CCT2: variants seen among roughly 807,000 people sequenced by gnomAD.
CCT2 encodes T-complex protein 1 subunit beta.
Under a neutral mutation model 61.8 loss-of-function variants are expected in CCT2, and 18 were observed. That is an observed-to-expected ratio of 0.29 (90% confidence interval 0.20 to 0.43). CCT2 has a LOEUF of 0.43. Among genes scored for constraint, CCT2 ranks in the 20% least tolerant of loss-of-function variants. CCT2 has a pLI of 1.00. For synonymous variants in CCT2, 248 were observed against 215.9 expected (o/e 1.15, Z -1.30); for missense variants, 556 against 656.9 (o/e 0.85, Z 1.68).
chr12:69,598,382 A>G lies in CCT2; in HGVS notation c.1396A>G (p.Arg466Gly), dbSNP rs1243536298. 1.9e-6 allele frequency: 3 copies of G among 1,604,000 alleles called. No homozygotes were observed. The African/African-American group carries it at 4.0e-5, about 22-fold the overall frequency. Residue 466 changes from arginine (R) to glycine (G), a missense_variant, in exon 14 of 16, where the codon AGG becomes GGG. Arg to Gly is a moderately radical substitution (Grantham distance 125). Around this residue, in one of 3 missense-constraint regions of CCT2, gnomAD observed 225 missense variants for 249.8 expected, o/e 0.90. Coordinates refer to ENST00000299300, the MANE Select transcript of CCT2 (RefSeq NM_006431.3). Reference sequence around the variant, plus strand: ...CAGTGCAGACCTGGTGGCACAGCTCAGGGCTGCTCACAGTGAAGGCAATAC... The same window carrying G: ...CAGTGCAGACCTGGTGGCACAGCTCGGGGCTGCTCACAGTGAAGGCAATAC... ...YDSADLVAQL[R>G]AAHSEGNTTA... is the part of the protein sequence containing the mutation.
rs1163422513 is a variant in CCT2 at position 69,601,185 on chromosome 12, G to A, written c.1578-110G>A. On this transcript the variant is annotated intron_variant, in intron 15 of 15. Transcript: ENST00000299300. ...GGACACACATGCAAACCATTGCAGA[G>A]TTATAACAGTTTTAATACAGGATTC... The A allele has an allele frequency of 4.6e-6, 4 of 874,666 alleles. No individual in the cohort carries two copies. In the East Asian group the frequency reaches 1.0e-4, roughly 22 times the overall value. The allele number at this position is 874,666 out of a possible 1,614,324, so 54.2% of individuals were successfully genotyped here.
chr12:69,592,902 T>G, intron 8 of CCT2, 74 bp from the exon 9 acceptor site: 2 of 1,463,294 alleles, frequency 1.4e-6, no homozygotes, highest in Admixed American at 2.0e-5. Flanking sequence ...CACTCCAGCC[T>G]GGGCAACAGA....
chr12:69,593,119 T>C lies in CCT2; in HGVS notation c.878+16T>C. On this transcript the variant is annotated intron_variant, in intron 9 of 15. Coordinates refer to ENST00000299300, the MANE Select transcript of CCT2 (RefSeq NM_006431.3). The stretch of plus-strand genomic sequence containing the variant: ...TTATTAACAGGTCTGTGTTTGCTTT[T>C]AAGAAAGGATTTTTTTCCATGAAAG... 3.1e-6 allele frequency: 5 copies of C among 1,598,470 alleles called. No individual in the cohort carries two copies. The highest frequency in any genetic ancestry group is 4.3e-6 in the Non-Finnish European group (5 of 1,172,958).
At position 69,601,450 on chromosome 12, in the gene CCT2, T is replaced by C. The variant is rs1882146129; in HGVS notation, c.*125T>C. On this transcript the variant is annotated 3_prime_UTR_variant, in exon 16 of 16. Transcript: ENST00000299300. ...CATTATATCCTTAAGTTTGGATATT[T>C]AGCTGACCTTCGCTTTAACATAGGT... 1.3e-6 allele frequency: 2 copies of C among 1,582,996 alleles called. No homozygotes were observed. The highest frequency in any genetic ancestry group is 2.3e-5 in the East Asian group (1 of 44,174).
At chr12:69,590,731 T>G (rs948915920) in intron 7 of CCT2, among the ~76,000 whole-genome samples, 17 of 151,534 alleles carry the variant, frequency 1.1e-4, no homozygotes, top group African/African-American at 3.9e-4. Context: ...TTTTTTTTTT[T>G]TTTGAGACGG....
intron 8 of CCT2, 125 bp from the exon 9 acceptor site, chr12:69,592,851 C>A (rs1006305958): frequency 6.5e-6 from 5 of 763,562 alleles, no homozygotes; most frequent in Non-Finnish European, 1.0e-5. Flanking sequence ...TCACTTGAAC[C>A]CAGCGGGTGG....
intron 14 of CCT2, 128 bp downstream of exon 14, chr12:69,598,549 A>G (rs1284989543): frequency 1.6e-5 from 8 of 492,500 alleles, no homozygotes; most frequent in Non-Finnish European, 2.9e-5. Context: ...TTGTCCTCAT[A>G]ATCATTACAT....
At chr12:69,586,682 G>GT in intron 2 of CCT2, 71 bp from the exon 3 acceptor site, 1 of 1,084,440 alleles carries the variant, frequency 9.2e-7, no homozygotes, top group South Asian at 1.5e-5. Flanking sequence ...AAAAAAAAAA[G>GT]TAAATAAAGA....
At chr12:69,600,452 G>A (rs891540061) in intron 15 of CCT2, among the ~76,000 whole-genome samples, 37 of 152,188 alleles carry the variant, frequency 2.4e-4, no homozygotes, top group African/African-American at 8.7e-4. Flanking sequence ...TGTTTGGTCT[G>A]ATACTGTTTT....
At chr12:69,585,826 G>A (rs1209185940) in intron 1 of CCT2, 1 of 1,340,248 alleles carries the variant, frequency 7.5e-7, no homozygotes, top group Non-Finnish European at 9.6e-7. Context: ...GACCCGCTCC[G>A]CCCTCCTTCT....
intron 7 of CCT2, among the ~76,000 whole-genome samples, chr12:69,590,166 C>T (rs183947020): frequency 2.9e-4 from 44 of 152,128 alleles, no homozygotes; most frequent in African/African-American, 3.6e-4. Flanking sequence ...CATGTGCAAC[C>T]GAACGTGGAT....
In CCT2 at chr12:69,597,724, C is replaced by G; in HGVS notation, c.1189C>G (p.Leu397Val). 6.2e-7 allele frequency: 1 copy of G among 1,613,636 alleles called. No homozygotes were observed. The highest frequency in any genetic ancestry group is 8.5e-7 in the Non-Finnish European group (1 of 1,179,586). ...ATCATTGCATGATGCTCTTTGTGTT[C>G]TTGCGCAAACTGTAAAGGACTCTAG... ...ERSLHDALCV[L>V]AQTVKDSRTV... is the part of the protein sequence containing the mutation. The change falls in exon 12 of 16, where the codon CTT becomes GTT. Residue 397 changes from leucine to valine, a missense_variant. Physicochemically the swap from Leu to Val is conservative, Grantham distance 32. Around this residue, in one of 3 missense-constraint regions of CCT2, gnomAD observed 225 missense variants for 249.8 expected, o/e 0.90. Coordinates refer to ENST00000299300, the MANE Select transcript of CCT2 (RefSeq NM_006431.3).
intron 11 of CCT2, 73 bp from the exon 12 acceptor site, chr12:69,597,565 T>C (rs1882026699): frequency 2.7e-6 from 4 of 1,486,892 alleles, no homozygotes; most frequent in Non-Finnish European, 2.8e-6. Context: ...CCCAGTAATA[T>C]AACCAACACC....
chr12:69,594,552 T>A (rs1162989542), intron 10 of CCT2, among the ~76,000 whole-genome samples: 1 of 152,220 alleles, frequency 6.6e-6, no homozygotes, highest in Non-Finnish European at 1.5e-5. Context: ...CATGTCTGTC[T>A]ACATCACAAT....
At chr12:69,588,039 T>C in intron 5 of CCT2, 33 bp downstream of exon 5, 1 of 1,588,430 alleles carries the variant, frequency 6.3e-7, no homozygotes, top group Non-Finnish European at 8.6e-7. Flanking sequence ...TTTTTCCTAC[T>C]GTGTTTTTGA....
intron 7 of CCT2, among the ~76,000 whole-genome samples, chr12:69,590,397 A>G (rs547112483): frequency 6.6e-6 from 1 of 152,310 alleles, no homozygotes; most frequent in Admixed American, 6.5e-5. Flanking sequence ...TTTATAGGGC[A>G]AGAGGATCTA....
chr12:69,588,076 T>C, intron 5 of CCT2, 70 bp downstream of exon 5: 1 of 1,535,122 alleles, frequency 6.5e-7, no homozygotes, highest in Non-Finnish European at 9.0e-7. Flanking sequence ...AGTCCTTACT[T>C]CCTCTGTCTT....
chr12:69,594,849 A>T (rs1436970863), intron 10 of CCT2, among the ~76,000 whole-genome samples: 1 of 84,570 alleles, frequency 1.2e-5, no homozygotes, highest in Non-Finnish European at 3.5e-5. Context: ...CTGTCTTTAA[A>T]AAAAAAAAAA....
chr12:69,594,830 A>G (rs1183891993), intron 10 of CCT2, among the ~76,000 whole-genome samples: 3 of 148,816 alleles, frequency 2.0e-5, no homozygotes, highest in African/African-American at 7.4e-5. Flanking sequence ...TAAGTGACAG[A>G]GCAAGACCCT....
Sources: gnomAD v4.1 joint callset for allele counts (sites outside exome capture counted in the v4.1 genomes callset) on GRCh38, gnomAD v4.1.1 for gene constraint, gnomAD v4.1.1 regional missense constraint, MANE v1.5 for transcripts, NCBI Gene and HGNC (gene_info 2026-07-23, HGNC 2026-07-21) for gene names.